Variants in CNIH3 observed in about 807,000 individuals in gnomAD.
CNIH3 encodes the protein cornichon family AMPA receptor auxiliary protein 3, also known as protein cornichon homolog 3.
CNIH3 carries 14 observed loss-of-function variants against 24.1 expected under a neutral mutation model. That is an observed-to-expected ratio of 0.58 (90% CI 0.38 to 0.91). CNIH3 has a LOEUF of 0.91. Among genes scored for constraint, CNIH3 ranks in the 40% least tolerant of loss-of-function variants. The probability of loss-of-function intolerance (pLI) is 0.00; values close to 1 mark genes in which losing one functional copy is unlikely to be tolerated. For synonymous variants in CNIH3, 68 were observed against 73.8 expected (o/e 0.92, Z 0.40); for missense variants, 178 against 196.8 (o/e 0.90, Z 0.57).
chr1:224,598,064 C>T (rs1441684258), intron 3 of CNIH3, among the ~76,000 whole-genome samples: 1 of 152,140 alleles, frequency 6.6e-6, no homozygotes, highest in Non-Finnish European at 1.5e-5. Context: ...ATAGTTTTTG[C>T]CATGCAGAAA....
At chr1:224,524,766 C>T (rs1452357808) in intron 2 of CNIH3, among the ~76,000 whole-genome samples, 1 of 152,162 alleles carries the variant, frequency 6.6e-6, no homozygotes, top group Non-Finnish European at 1.5e-5. Context: ...ATGATAATAG[C>T]TCCCTGATTT....
intron 1 of CNIH3, among the ~76,000 whole-genome samples, chr1:224,504,829 G>T (rs575753793): frequency 6.6e-6 from 1 of 152,256 alleles, no homozygotes; most frequent in South Asian, 2.1e-4. Flanking sequence ...ATCTCATCAG[G>T]CTGTTTAGAG....
chr1:224,650,564 G>C (rs775083444), intron 1 of CNIH3, among the ~76,000 whole-genome samples: 16 of 152,004 alleles, frequency 1.1e-4, no homozygotes, highest in Non-Finnish European at 1.9e-4. Flanking sequence ...CTTGGCTCTG[G>C]GACTTTGGGG....
At chr1:224,667,054 C>T (rs931223458) in intron 1 of CNIH3, among the ~76,000 whole-genome samples, 2 of 152,180 alleles carry the variant, frequency 1.3e-5, no homozygotes, top group African/African-American at 4.8e-5. Flanking sequence ...GGGACTATGC[C>T]TTGCCTTCTG....
At chr1:224,595,757 G>A (rs768409897) in intron 3 of CNIH3, among the ~76,000 whole-genome samples, 1 of 152,184 alleles carries the variant, frequency 6.6e-6, no homozygotes, top group East Asian at 1.9e-4. Context: ...ACACACAAAT[G>A]ATAAGAAAGC....
chr1:224,459,785 C>T lies in CNIH3; in HGVS notation n.203+24923C>T, dbSNP rs867777049. On this transcript the variant is annotated intron_variant and non_coding_transcript_variant, in intron 1 of 5. Coordinates refer to the CNIH3 transcript ENST00000471578. Reference sequence around the variant, plus strand: ...TTTGAGCTTGTGCAAAGCCCTGGGCCTGAGCTCAGAAAAAGCAAGGCCAGG... The same window carrying T: ...TTTGAGCTTGTGCAAAGCCCTGGGCTTGAGCTCAGAAAAAGCAAGGCCAGG... Among the ~76,000 whole-genome samples, 51 of 152,080 alleles carry T rather than the reference C, an allele frequency of 3.4e-4. No individual in the cohort carries two copies. The Middle Eastern group carries it at 0.01, about 30-fold the overall frequency.
At chr1:224,521,589 G>A (rs912386764) in intron 2 of CNIH3, 4 of 152,184 alleles carry the variant, frequency 2.6e-5, no homozygotes, top group African/African-American at 9.7e-5. Context: ...GGAAAGACAA[G>A]TTCTCCCTGA....
intron 3 of CNIH3, among the ~76,000 whole-genome samples, chr1:224,696,810 A>G (rs1481439226): frequency 6.6e-6 from 1 of 151,800 alleles, no homozygotes; most frequent in East Asian, 1.9e-4. Context: ...GTGGTGTGTC[A>G]GTTGTGAAGA....
At chr1:224,733,544 G>C (rs1436395351) in intron 4 of CNIH3, among the ~76,000 whole-genome samples, 1 of 152,242 alleles carries the variant, frequency 6.6e-6, no homozygotes, top group Non-Finnish European at 1.5e-5. Flanking sequence ...AGGGGAAGGA[G>C]GAGGGAGCTG....
At chr1:224,435,045 C>T (rs889474082) in intron 1 of CNIH3, 1 of 985,590 alleles carries the variant, frequency 1.0e-6, no homozygotes, top group Non-Finnish European at 1.2e-6. Flanking sequence ...TCGGCTGGCT[C>T]GACGAGCAGT....
upstream of CNIH3, among the ~76,000 whole-genome samples, chr1:224,512,555 A>G (rs1387333508): frequency 6.6e-6 from 1 of 152,232 alleles, no homozygotes; most frequent in South Asian, 2.1e-4. Flanking sequence ...ACCAAAATGA[A>G]CAAATGTTGA....
chr1:224,505,020 CCCTCCCTCCCTCCCTTCCTT>C (rs1323210604), intron 1 of CNIH3, among the ~76,000 whole-genome samples: 1 of 105,952 alleles, frequency 9.4e-6, no homozygotes, highest in Non-Finnish European at 1.9e-5. Context: ...CTCCCTCCCT[CCCTCCCTCCCTCCCTTCCTT>C]CCTTCCTTCC....
chr1:224,540,363 T>C (rs184049823), downstream of CNIH3, among the ~76,000 whole-genome samples: 271 of 152,376 alleles, frequency 1.8e-3, no homozygotes, highest in African/African-American at 6.1e-3. Context: ...TCAGCTCTGC[T>C]GCAAAGTGGG....
At chr1:224,466,329 C>T (rs369506171) in intron 1 of CNIH3, among the ~76,000 whole-genome samples, 118 of 152,272 alleles carry the variant, frequency 7.7e-4, no homozygotes, top group African/African-American at 2.5e-3. Context: ...AAATACATTA[C>T]GTAAATGGAA....
intron 1 of CNIH3, among the ~76,000 whole-genome samples, chr1:224,459,543 C>T (rs993545107): frequency 2.6e-5 from 4 of 152,026 alleles, no homozygotes; most frequent in African/African-American, 4.8e-5. Flanking sequence ...ACTTTGTACA[C>T]GGAATAAAAT....
intron 1 of CNIH3, among the ~76,000 whole-genome samples, chr1:224,439,156 A>C (rs142457495): frequency 3.9e-4 from 60 of 152,288 alleles, no homozygotes; most frequent in Middle Eastern, 3.4e-3. Context: ...TGTTCTATGC[A>C]TGTCTCTCCA....
chr1:224,725,164 C>T (rs753701262), intron 3 of CNIH3, among the ~76,000 whole-genome samples: 1 of 152,160 alleles, frequency 6.6e-6, no homozygotes, highest in Admixed American at 6.5e-5. Flanking sequence ...GAGCCAAGAT[C>T]GTGCTACTGC....
chr1:224,645,033 C>G (rs1276970920), intron 1 of CNIH3, among the ~76,000 whole-genome samples: 2 of 152,222 alleles, frequency 1.3e-5, no homozygotes, highest in Non-Finnish European at 2.9e-5. Flanking sequence ...TAGAGGCTGC[C>G]TCACCACTGG....
At chr1:224,537,861 C>T (rs907118149), downstream of CNIH3, among the ~76,000 whole-genome samples, 1 of 152,086 alleles carries the variant, frequency 6.6e-6, no homozygotes, top group African/African-American at 2.4e-5. Flanking sequence ...CAGTACCATC[C>T]ATAATAAGCA....
Sources: gnomAD v4.1 joint callset for allele counts (sites outside exome capture counted in the v4.1 genomes callset) on GRCh38, gnomAD v4.1.1 for gene constraint, MANE v1.5 for transcripts, NCBI Gene and HGNC (gene_info 2026-07-23, HGNC 2026-07-21) for gene names.